Variants in NUGGC observed in about 807,000 individuals in gnomAD.
NUGGC encodes nuclear GTPase SLIP-GC.
In NUGGC, 58 loss-of-function variants were observed where a neutral mutation model predicts 92.6. The observed-to-expected ratio is 0.63, with a 90% CI of 0.51 to 0.78. NUGGC has a LOEUF of 0.78. Ranked by LOEUF, NUGGC falls within the 30% of genes least tolerant of loss-of-function variation. The probability of loss-of-function intolerance (pLI) is 0.00; values close to 1 mark genes in which losing one functional copy is unlikely to be tolerated. For synonymous variants in NUGGC, 376 were observed against 366.4 expected, an observed-to-expected ratio of 1.03 and a Z score of -0.30; for missense variants, 925 against 964.6, an observed-to-expected ratio of 0.96 and a Z score of 0.54.
At chr8:28,072,801 C>G (rs1041689604) in intron 2 of NUGGC, among the ~76,000 whole-genome samples, 10 of 151,926 alleles carry the variant, frequency 6.6e-5, no homozygotes, top group Non-Finnish European at 1.3e-4. Flanking sequence ...GATCACAGAT[C>G]TTATTATTCT....
At chr8:28,038,934 G>T (rs1037355601) in intron 13 of NUGGC, among the ~76,000 whole-genome samples, 2 of 152,116 alleles carry the variant, frequency 1.3e-5, no homozygotes, top group African/African-American at 4.8e-5. Context: ...GATGGGATAA[G>T]GTAACGTGCA....
chr8:28,051,405 A>T (rs2130168213), intron 10 of NUGGC, among the ~76,000 whole-genome samples: 1 of 152,312 alleles, frequency 6.6e-6, no homozygotes, highest in South Asian at 2.1e-4. Context: ...TAAATAAAAT[A>T]AGGTATGTTA....
Position 28,059,287 on chromosome 8 carries a change from A to G in NUGGC, c.1098-1011T>C, listed in dbSNP as rs186788134. Among the ~76,000 whole-genome samples the G allele has an allele frequency of 9.8e-4, 149 of 152,100 alleles. 1 individual carries two copies. Among genetic ancestry groups the G allele is most frequent in the Admixed American group, 1.8e-3 (27 of 15,282 alleles). Reference sequence around the variant, plus strand: ...ATGGATCCAGGAAAGCCCAGTTTATACCCGCTGATCCCCTCTAAGGACTAA... The same window carrying G: ...ATGGATCCAGGAAAGCCCAGTTTATGCCCGCTGATCCCCTCTAAGGACTAA... On this transcript the variant is annotated intron_variant, in intron 8 of 18. Coordinates refer to ENST00000413272, the MANE Select transcript of NUGGC (RefSeq NM_001010906.2).
rs150652647 is a variant in NUGGC at position 28,053,388 on chromosome 8, G to T, written c.1206+2577C>A. 3.7e-3 allele frequency among the ~76,000 whole-genome samples: 564 copies of T among 152,118 alleles called. 4 individuals carry two copies. Among genetic ancestry groups the T allele is most frequent in the African/African-American group, 0.013 (545 of 41,490 alleles). On this transcript the variant is annotated intron_variant, in intron 10 of 18. Coordinates refer to ENST00000413272, the MANE Select transcript of NUGGC (RefSeq NM_001010906.2). ...GTGGTGGTCAGGGGGTGCGGAGTGC[G>T]GGCAGGAAGATAGCTTGAGCCCAGG...
At chr8:28,050,773 T>G (rs1442718364) in intron 10 of NUGGC, among the ~76,000 whole-genome samples, 1 of 151,032 alleles carries the variant, frequency 6.6e-6, no homozygotes, top group African/African-American at 2.4e-5. Flanking sequence ...ATTGTGCCAC[T>G]GCATTCTAGC....
In NUGGC at chr8:28,029,376, C is replaced by T; in HGVS notation, c.2044G>A (p.Ala682Thr). The change falls in exon 17 of 19, where the codon GCG becomes ACG. Residue 682 changes from alanine to threonine, a missense_variant. Physicochemically the swap from Ala to Thr is moderately conservative, Grantham distance 58. Transcript: ENST00000413272. ...ATGGCATCTTTCATCCGCTCACACGCTTTTTTGCCCGTGATCTGAGCTGCC... is the reference window on the plus strand; with the variant it reads ...ATGGCATCTTTCATCCGCTCACACGTTTTTTTGCCCGTGATCTGAGCTGCC... ...EEAAQITGKK[A>T]CERMKDAIRR... The T allele has an allele frequency of 6.2e-7, 1 of 1,612,574 alleles. No individual in the cohort carries two copies.
intron 12 of NUGGC, among the ~76,000 whole-genome samples, chr8:28,043,632 A>G (rs1809754616): frequency 6.6e-6 from 1 of 152,152 alleles, no homozygotes; most frequent in Non-Finnish European, 1.5e-5. Context: ...GCAAGGGTGA[A>G]TCTGAGCCCC....
At chr8:28,025,034 T>C (rs1809222022) in intron 18 of NUGGC, among the ~76,000 whole-genome samples, 1 of 152,212 alleles carries the variant, frequency 6.6e-6, no homozygotes, top group Non-Finnish European at 1.5e-5. Context: ...CCCTGCCACA[T>C]ATTTCACTTA....
At chr8:28,081,987 T>G (rs1466808216) in intron 1 of NUGGC, among the ~76,000 whole-genome samples, 1 of 152,186 alleles carries the variant, frequency 6.6e-6, no homozygotes, top group African/African-American at 2.4e-5. Context: ...TGATAGAATG[T>G]TGATGAAATT....
At chr8:28,041,883 C>T (rs745789033) in intron 12 of NUGGC, among the ~76,000 whole-genome samples, 4 of 152,258 alleles carry the variant, frequency 2.6e-5, no homozygotes, top group Middle Eastern at 3.4e-3. Context: ...GCCTTGACCC[C>T]TAGGTGCCTG....
chr8:28,036,303 C>A (rs1403870626), intron 13 of NUGGC, among the ~76,000 whole-genome samples: 3 of 152,236 alleles, frequency 2.0e-5, no homozygotes, highest in African/African-American at 2.4e-5. Context: ...CAGGCTTTTC[C>A]TTCTCTGCCC....
chr8:28,071,603 C>T (rs1197234435), intron 2 of NUGGC, among the ~76,000 whole-genome samples: 1 of 152,188 alleles, frequency 6.6e-6, no homozygotes, highest in Non-Finnish European at 1.5e-5. Flanking sequence ...GATTCATTCA[C>T]TTAAGCAGTT....
chr8:28,071,941 C>T (rs964904522), intron 2 of NUGGC, among the ~76,000 whole-genome samples: 3 of 152,254 alleles, frequency 2.0e-5, no homozygotes, highest in Non-Finnish European at 4.4e-5. Context: ...AGAAATGTCA[C>T]GTGGCATCCA....
chr8:28,060,511 T>A lies in NUGGC; in HGVS notation c.1012A>T (p.Ile338Phe), dbSNP rs766521331. The part of the protein sequence containing the change: ...QAHEDLLNES[I>F]KACQRGFCRD... Reference sequence around the variant, plus strand: ...CAGAAGCCCCGCTGGCAGGCTTTGATGCTCTCATTCAGAAGGTCTTCGTGG... The same window carrying A: ...CAGAAGCCCCGCTGGCAGGCTTTGAAGCTCTCATTCAGAAGGTCTTCGTGG... The change falls in exon 8 of 19, where the codon ATC becomes TTC. Residue 338 changes from isoleucine (I) to phenylalanine (F), a missense_variant. Transcript: ENST00000413272. The A allele has an allele frequency of 5.0e-6, 8 of 1,613,804 alleles. No individual in the cohort carries two copies. Among genetic ancestry groups the A allele is most frequent in the Non-Finnish European group, 5.9e-6 (7 of 1,179,856 alleles).
chr8:28,037,760 G>T (rs565121263), intron 13 of NUGGC, among the ~76,000 whole-genome samples: 31 of 152,322 alleles, frequency 2.0e-4, no homozygotes, highest in African/African-American at 7.5e-4. Flanking sequence ...TCTTCGGAAA[G>T]CAGGCCCGGA....
intron 14 of NUGGC, among the ~76,000 whole-genome samples, chr8:28,032,806 T>C (rs1425380278): frequency 6.7e-6 from 1 of 149,932 alleles, no homozygotes; most frequent in Non-Finnish European, 1.5e-5. Context: ...CAAACCCACA[T>C]CATGTATGTG....
chr8:28,055,447 C>T lies in NUGGC; in HGVS notation c.1206+518G>A, dbSNP rs151176910. 3.7e-3 allele frequency among the ~76,000 whole-genome samples: 560 copies of T among 152,210 alleles called. 4 individuals carry two copies. Among genetic ancestry groups the T allele is most frequent in the African/African-American group, 0.013 (541 of 41,514 alleles). Reference sequence around the variant, plus strand: ...CTCCTCTGTGGACCACATGCTCATTCGACCCTCTCAACAATCACGGGAGAT... The same window carrying T: ...CTCCTCTGTGGACCACATGCTCATTTGACCCTCTCAACAATCACGGGAGAT... On this transcript the variant is annotated intron_variant, in intron 10 of 18. Transcript: ENST00000413272.
chr8:28,045,729 G>C lies in NUGGC; in HGVS notation c.1313-69C>G, dbSNP rs906224655. Reference sequence around the variant, plus strand: ...TTTGTGGTCAATAGAATTCATAAAAGTTGAAAGACCAAGGTGGCGATATGA... The same window carrying C: ...TTTGTGGTCAATAGAATTCATAAAACTTGAAAGACCAAGGTGGCGATATGA... On this transcript the variant is annotated intron_variant, in intron 11 of 18. Coordinates refer to ENST00000413272, the MANE Select transcript of NUGGC (RefSeq NM_001010906.2). 5 of 1,526,514 alleles carry C rather than the reference G, an allele frequency of 3.3e-6. No homozygotes were observed. The East Asian group carries it at 1.1e-4, about 35-fold the overall frequency. The allele number at this position is 1,526,514 out of a possible 1,614,324, so 94.6% of individuals were successfully genotyped here. A position where few individuals can be genotyped will look rare whatever the true frequency, so the allele number is the denominator to read the frequency against.
intron 12 of NUGGC, among the ~76,000 whole-genome samples, chr8:28,044,209 T>C (rs1408072153): frequency 6.6e-6 from 1 of 152,142 alleles, no homozygotes; most frequent in Non-Finnish European, 1.5e-5. Context: ...CAAAGCCCTA[T>C]TCATGTACTT....
Sources: gnomAD v4.1 joint callset for allele counts (sites outside exome capture counted in the v4.1 genomes callset) on GRCh38, gnomAD v4.1.1 for gene constraint, MANE v1.5 for transcripts, NCBI Gene and HGNC (gene_info 2026-07-23, HGNC 2026-07-21) for gene names.